The following PDGFD variants were observed in gnomAD, a reference collection of about 807,000 sequenced individuals.
The protein encoded by PDGFD is platelet derived growth factor D, also known as platelet-derived growth factor D.
A neutral mutation model predicts 44.7 loss-of-function variants in PDGFD; 30 were observed. The ratio of observed to expected loss-of-function variants is 0.67; its 90% CI spans 0.50 to 0.91. The LOEUF (loss-of-function observed/expected upper bound fraction) is 0.91, where lower values mean the gene tolerates loss of function less well. Among genes scored for constraint, PDGFD ranks in the 40% least tolerant of loss-of-function variants. The pLI, the probability that PDGFD is intolerant of heterozygous loss-of-function variation, is 0.00. For synonymous variants in PDGFD, 173 were observed against 168.4 expected, an observed-to-expected ratio of 1.03 and a Z score of -0.21; for missense variants, 445 against 457.8, an observed-to-expected ratio of 0.97 and a Z score of 0.25.
At chr11:104,137,726 C>G (rs1336394206) in intron 1 of PDGFD, among the ~76,000 whole-genome samples, 1 of 135,152 alleles carries the variant, frequency 7.4e-6, no homozygotes, top group Non-Finnish European at 1.6e-5. Flanking sequence ...TATAGATCAC[C>G]ACTTTTTTTT....
At chr11:104,081,349 A>C (rs530860817) in intron 1 of PDGFD, among the ~76,000 whole-genome samples, 19 of 152,280 alleles carry the variant, frequency 1.2e-4, no homozygotes, top group Non-Finnish European at 2.2e-4. Flanking sequence ...GCTCTTATTG[A>C]TAGAAAATGG....
chr11:104,056,790 T>C (rs1302136975), intron 1 of PDGFD, among the ~76,000 whole-genome samples: 1 of 152,214 alleles, frequency 6.6e-6, no homozygotes, highest in Admixed American at 6.5e-5. Context: ...TTTTTTTATA[T>C]ACTAGCAGTG....
intron 1 of PDGFD, among the ~76,000 whole-genome samples, chr11:104,082,217 C>T (rs757943165): frequency 6.7e-6 from 1 of 149,368 alleles, no homozygotes; most frequent in Non-Finnish European, 1.5e-5. Context: ...TGGGCAAGAA[C>T]TCAAGCTCTC....
chr11:104,116,623 CA>C (rs1833897102), intron 1 of PDGFD, among the ~76,000 whole-genome samples: 1 of 151,894 alleles, frequency 6.6e-6, no homozygotes, highest in South Asian at 2.1e-4. Context: ...AACATAGATG[CA>C]AAAATCCTTA....
chr11:103,987,475 C>T (rs1316105574), intron 3 of PDGFD, among the ~76,000 whole-genome samples: 1 of 152,164 alleles, frequency 6.6e-6, no homozygotes, highest in Admixed American at 6.5e-5. Flanking sequence ...AGTAGGAAGA[C>T]TGTGTAAGTG....
chr11:103,975,463 TTTC>T (rs1270539748), intron 3 of PDGFD, among the ~76,000 whole-genome samples: 28 of 152,316 alleles, frequency 1.8e-4, no homozygotes, highest in African/African-American at 6.5e-4. Context: ...CTGATGATAG[TTTC>T]TTTTGCTGTG....
intron 2 of PDGFD, among the ~76,000 whole-genome samples, chr11:103,997,096 T>C (rs1228822287): frequency 3.3e-5 from 5 of 152,232 alleles, no homozygotes; most frequent in Non-Finnish European, 5.9e-5. Context: ...GGAGCACTTA[T>C]TCTATTTTCA....
intron 1 of PDGFD, among the ~76,000 whole-genome samples, chr11:104,120,559 C>T (rs1189710147): frequency 6.6e-6 from 1 of 151,906 alleles, no homozygotes; most frequent in Non-Finnish European, 1.5e-5. Context: ...CCCCAACAAA[C>T]CTTGGCAGCC....
intron 1 of PDGFD, among the ~76,000 whole-genome samples, chr11:104,078,366 T>C (rs1056399387): frequency 2.0e-5 from 3 of 152,162 alleles, no homozygotes; most frequent in Non-Finnish European, 2.9e-5. Flanking sequence ...ATCAACACTA[T>C]GTCTAAGGAA....
chr11:104,051,931 G>A (rs192130087), intron 1 of PDGFD, among the ~76,000 whole-genome samples: 22 of 152,108 alleles, frequency 1.4e-4, no homozygotes, highest in Non-Finnish European at 2.9e-4. Context: ...CATTCACAAC[G>A]TTTTGCAACC....
chr11:104,069,640 C>A (rs958380978), intron 1 of PDGFD, among the ~76,000 whole-genome samples: 7 of 152,184 alleles, frequency 4.6e-5, no homozygotes, highest in African/African-American at 1.2e-4. Flanking sequence ...GCCAGCGGAT[C>A]ACGAGGTCAG....
chr11:103,924,601 C>T (rs138288795), intron 6 of PDGFD, among the ~76,000 whole-genome samples: 2 of 152,246 alleles, frequency 1.3e-5, no homozygotes, highest in African/African-American at 2.4e-5. Flanking sequence ...CAATTTCCTA[C>T]ATTTTCCAAG....
chr11:103,969,065 G>A (rs187016853), intron 3 of PDGFD, among the ~76,000 whole-genome samples: 2 of 152,262 alleles, frequency 1.3e-5, no homozygotes, highest in African/African-American at 2.4e-5. Context: ...TGATGTAGAT[G>A]CTCCCTTCTC....
intron 2 of PDGFD, among the ~76,000 whole-genome samples, chr11:103,996,492 T>C (rs1008916734): frequency 2.0e-5 from 3 of 152,198 alleles, no homozygotes; most frequent in Non-Finnish European, 4.4e-5. Context: ...AAATCTTCAA[T>C]AATCAAAATG....
At chr11:104,163,365 A>C (rs564743070) in intron 1 of PDGFD, among the ~76,000 whole-genome samples, 2 of 152,268 alleles carry the variant, frequency 1.3e-5, no homozygotes, top group South Asian at 4.1e-4. Context: ...AAAATAAATA[A>C]ATAAATAAAT....
chr11:104,115,608 T>C lies in PDGFD; in HGVS notation c.124+48196A>G, dbSNP rs139788721. Among the ~76,000 whole-genome samples, 1,119 of 152,124 alleles carry C rather than the reference T, an allele frequency of 7.4e-3. 7 individuals carry two copies. Among genetic ancestry groups the C allele is most frequent in the African/African-American group, 0.024 (1,004 of 41,528 alleles). On this transcript the variant is annotated intron_variant, in intron 1 of 6. Coordinates refer to ENST00000393158, the MANE Select transcript of PDGFD (RefSeq NM_025208.5). ...TCTACTTTTAGTTCTTTAAGAAACC[T>C]CCACACTGTTTTCCACAGTGGTTGT...
intron 1 of PDGFD, among the ~76,000 whole-genome samples, chr11:104,031,769 T>A (rs1482450639): frequency 6.6e-6 from 1 of 152,078 alleles, no homozygotes; most frequent in East Asian, 1.9e-4. Flanking sequence ...ATAGACTGGA[T>A]AAAGGAAATG....
At chr11:103,975,917 G>A (rs1310376175) in intron 3 of PDGFD, among the ~76,000 whole-genome samples, 3 of 152,078 alleles carry the variant, frequency 2.0e-5, no homozygotes, top group African/African-American at 7.2e-5. Flanking sequence ...ATAGTTTGAA[G>A]CCAGGTAGCA....
chr11:104,106,202 A>G (rs1257274371), intron 1 of PDGFD, among the ~76,000 whole-genome samples: 1 of 152,206 alleles, frequency 6.6e-6, no homozygotes, highest in Non-Finnish European at 1.5e-5. Flanking sequence ...CACGCACGAT[A>G]GTTGTAAACA....
Sources: allele counts gnomAD v4.1 joint callset (sites outside exome capture counted in the v4.1 genomes callset), GRCh38; gene constraint gnomAD v4.1.1; transcripts MANE v1.5; gene names NCBI Gene and HGNC (gene_info 2026-07-23, HGNC 2026-07-21).